ANXA8: variants seen among roughly 807,000 people sequenced by gnomAD.
ANXA8 encodes the protein annexin A8.
ANXA8 carries 9 observed loss-of-function variants against 26.8 expected under a neutral mutation model. The ratio of observed to expected loss-of-function variants is 0.34; its 90% CI spans 0.20 to 0.59. ANXA8 has a LOEUF of 0.59. Among genes scored for constraint, ANXA8 ranks in the 20% least tolerant of loss-of-function variants. The pLI is 0.84. For synonymous variants in ANXA8, 39 were observed against 94.8 expected (o/e 0.41, Z 3.42); for missense variants, 83 against 238.5 (o/e 0.35, Z 4.29).
the ANXA8 span, chr10:47,566,095 GGC>G: frequency 1.3e-5 from 6 of 474,568 alleles, no homozygotes; most frequent in Non-Finnish European, 2.0e-5. Flanking sequence ...TGCAAAGAAA[GGC>G]AAATGGTTTT....
the ANXA8 span, among the ~76,000 whole-genome samples, chr10:47,665,334 A>C: frequency 6.6e-6 from 1 of 150,546 alleles, no homozygotes; most frequent in African/African-American, 2.5e-5. Context: ...TGTGACCAAA[A>C]TATGATTTCT....
At chr10:47,695,816 T>C in the ANXA8 span, among the ~76,000 whole-genome samples, 44 of 152,002 alleles carry the variant, frequency 2.9e-4, 1 homozygote, top group African/African-American at 1.1e-3. Context: ...TTGGTATGTT[T>C]AGTTCTACCT....
the ANXA8 span, among the ~76,000 whole-genome samples, chr10:47,583,659 G>A: frequency 7.1e-6 from 1 of 141,788 alleles, no homozygotes; most frequent in African/African-American, 2.9e-5. Flanking sequence ...CCTATTTAAT[G>A]CCCTGGGCGG....
chr10:47,550,046 G>A, the ANXA8 span, among the ~76,000 whole-genome samples: 1 of 151,800 alleles, frequency 6.6e-6, no homozygotes, highest in African/African-American at 2.4e-5. Flanking sequence ...GAGCCTGGGA[G>A]GTTGAGGCTG....
At chr10:47,648,492 C>T in the ANXA8 span, among the ~76,000 whole-genome samples, 1 of 148,996 alleles carries the variant, frequency 6.7e-6, no homozygotes, top group East Asian at 2.0e-4. Context: ...ACCTCTCTTT[C>T]ACTTCTAGTT....
At chr10:47,722,677 A>G in the ANXA8 span, among the ~76,000 whole-genome samples, 1 of 141,544 alleles carries the variant, frequency 7.1e-6, no homozygotes, top group Non-Finnish European at 1.6e-5. Flanking sequence ...AAGGCAAGAA[A>G]GAGAGTTCCA....
chr10:47,687,973 G>A, the ANXA8 span, among the ~76,000 whole-genome samples: 3 of 151,746 alleles, frequency 2.0e-5, no homozygotes, highest in East Asian at 1.9e-4. Context: ...GGTGGTAGAC[G>A]GCTGTAATCT....
chr10:47,514,065 G>A, the ANXA8 span, among the ~76,000 whole-genome samples: 1 of 141,760 alleles, frequency 7.1e-6, no homozygotes, highest in African/African-American at 2.6e-5. Flanking sequence ...ACAGGAAAAG[G>A]AACAATCAAC....
the ANXA8 span, among the ~76,000 whole-genome samples, chr10:47,659,317 G>A: frequency 6.6e-6 from 1 of 151,768 alleles, no homozygotes; most frequent in South Asian, 2.1e-4. Flanking sequence ...ACATTTAAAA[G>A]CTGTATTCAA....
At chr10:47,736,392 TACTCCACAA>T in the ANXA8 span, among the ~76,000 whole-genome samples, 1 of 78,624 alleles carries the variant, frequency 1.3e-5, no homozygotes, top group Non-Finnish European at 2.5e-5. Flanking sequence ...GTACTTTTTT[TACTCCACAA>T]TTTGCCATAT....
chr10:47,671,394 C>G, the ANXA8 span, among the ~76,000 whole-genome samples: 2 of 151,818 alleles, frequency 1.3e-5, no homozygotes, highest in African/African-American at 4.9e-5. Context: ...TGCACTCCAG[C>G]CTGGGCAACA....
At chr10:47,666,028 A>G in the ANXA8 span, among the ~76,000 whole-genome samples, 1 of 151,592 alleles carries the variant, frequency 6.6e-6, no homozygotes, top group Admixed American at 6.6e-5. Context: ...TACGGCAACT[A>G]AAAAGTATAA....
the ANXA8 span, among the ~76,000 whole-genome samples, chr10:47,527,660 G>T: frequency 7.1e-6 from 1 of 141,758 alleles, no homozygotes; most frequent in Admixed American, 7.1e-5. Flanking sequence ...GCTTGTGTGT[G>T]TGTGTGAGTG....
chr10:47,617,702 TG>T, the ANXA8 span, among the ~76,000 whole-genome samples: 2 of 149,004 alleles, frequency 1.3e-5, no homozygotes, highest in South Asian at 4.2e-4. Flanking sequence ...TCACTGAGAT[TG>T]AGTCTAGGTT....
the ANXA8 span, among the ~76,000 whole-genome samples, chr10:47,528,325 T>G: frequency 3.4e-5 from 4 of 116,684 alleles, no homozygotes; most frequent in East Asian, 3.7e-4. Context: ...GTGATCCGCC[T>G]GTCTCGGCCT....
the ANXA8 span, among the ~76,000 whole-genome samples, chr10:47,768,970 G>C: frequency 1.4e-5 from 2 of 147,890 alleles, no homozygotes; most frequent in African/African-American, 5.1e-5. Flanking sequence ...TCAGGATGTG[G>C]AATGTGTACA....
the ANXA8 span, chr10:47,706,692 AT>A: frequency 1.4e-6 from 2 of 1,413,596 alleles, no homozygotes; most frequent in Non-Finnish European, 2.0e-6. Context: ...TCGAAGGATG[AT>A]TTTGGAGGCA....
In ANXA8 at chr10:47,468,602, C is replaced by G; in HGVS notation, c.*245G>C. On this transcript the variant is annotated 3_prime_UTR_variant, in exon 12 of 12. Coordinates refer to ENST00000585281, the MANE Select transcript of ANXA8 (RefSeq NM_001040084.3). ...CCTTCATGCTGAGGCATCTGTCTGGCTGGAGAAACACTAAGGTTGGCATTG... is the reference window on the plus strand; with the variant it reads ...CCTTCATGCTGAGGCATCTGTCTGGGTGGAGAAACACTAAGGTTGGCATTG... The G allele has an allele frequency of 1.6e-6, 1 of 630,248 alleles. No individual in the cohort carries two copies. The highest frequency in any genetic ancestry group is 3.2e-5 in the East Asian group (1 of 31,332). The allele number at this position is 630,248 out of a possible 1,614,324, so 39.0% of individuals were successfully genotyped here.
the ANXA8 span, among the ~76,000 whole-genome samples, chr10:47,772,582 CCAA>C: frequency 6.6e-6 from 1 of 152,044 alleles, no homozygotes; most frequent in African/African-American, 2.4e-5. Context: ...GATTTCAATT[CCAA>C]TTTTACAGAT....
Sources: gnomAD v4.1 joint callset for allele counts (sites outside exome capture counted in the v4.1 genomes callset) on GRCh38, gnomAD v4.1.1 for gene constraint, MANE v1.5 for transcripts, NCBI Gene and HGNC (gene_info 2026-07-23, HGNC 2026-07-21) for gene names.